ESRRG: variants seen among roughly 807,000 people sequenced by gnomAD.
ESRRG encodes the protein estrogen-related receptor gamma.
Under a neutral mutation model 44.0 loss-of-function variants are expected in ESRRG, and 13 were observed. That is an observed-to-expected ratio of 0.30 (90% confidence interval 0.19 to 0.47). The LOEUF (loss-of-function observed/expected upper bound fraction) is 0.47, where lower values mean the gene tolerates loss of function less well. Ranked by LOEUF, ESRRG falls within the 20% of genes least tolerant of loss-of-function variation. The pLI is 1.00. For synonymous variants in ESRRG, 215 were observed against 214.6 expected, an observed-to-expected ratio of 1.00 and a Z score of -0.02; for missense variants, 395 against 580.6, an observed-to-expected ratio of 0.68 and a Z score of 3.29.
intron 2 of ESRRG, among the ~76,000 whole-genome samples, chr1:216,742,554 T>A (rs1277392476): frequency 6.6e-6 from 1 of 152,024 alleles, no homozygotes; most frequent in Non-Finnish European, 1.5e-5. Flanking sequence ...TGATTCTTTA[T>A]CCATTTCTGT....
intron 1 of ESRRG, among the ~76,000 whole-genome samples, chr1:217,123,028 G>A (rs990580498): frequency 6.6e-6 from 1 of 152,012 alleles, no homozygotes; most frequent in Non-Finnish European, 1.5e-5. Context: ...GCCCAGAAGT[G>A]ACATATATAT....
chr1:216,711,305 C>T lies in ESRRG; in HGVS notation c.56+11939G>A, dbSNP rs374276028. On this transcript the variant is annotated intron_variant, in intron 1 of 6. Coordinates refer to ENST00000408911, the MANE Select transcript of ESRRG (RefSeq NM_001438.4). ...TGACTGCAATAGCCAATAAAGCATC[C>T]TCGGCTCCACTGCCAACTCGGGGAG... Among the ~76,000 whole-genome samples the T allele has an allele frequency of 1.8e-3, 279 of 152,236 alleles. 2 individuals carry two copies. Among genetic ancestry groups the T allele is most frequent in the African/African-American group, 6.6e-3 (276 of 41,536 alleles).
rs11301281 is a variant in ESRRG, at chr1:216,880,304, C to CAAAAAAAAAAAAAAAAAAAAA, written c.-14+59257_-14+59277dup. Among the ~76,000 whole-genome samples, 7 of 29,024 alleles carry CAAAAAAAAAAAAAAAAAAAAA rather than the reference C, an allele frequency of 2.4e-4. 1 individual carries two copies. The highest frequency in any genetic ancestry group is 2.9e-4 in the Non-Finnish European group (5 of 17,470). 19.0% of individuals were successfully genotyped at this position (29,024 alleles called of 152,430 possible). ...CCTGAGCGACAACAAGCCTCCCTCT[C>CAAAAAAAAAAAAAAAAAAAAA]AAAAAAAAAAAAAAAAAAAAAAAAA... On this transcript the variant is annotated intron_variant, in intron 2 of 7. Coordinates refer to the ESRRG transcript ENST00000359162.
At chr1:216,947,246 C>T (rs1047972944) in intron 1 of ESRRG, among the ~76,000 whole-genome samples, 12 of 152,048 alleles carry the variant, frequency 7.9e-5, no homozygotes, top group Non-Finnish European at 1.6e-4. Context: ...TGGTTCTAGG[C>T]GCTTTACATT....
intron 1 of ESRRG, among the ~76,000 whole-genome samples, chr1:217,084,297 A>G (rs1182960092): frequency 6.6e-6 from 1 of 152,200 alleles, no homozygotes; most frequent in Non-Finnish European, 1.5e-5. Context: ...TAGATAATGT[A>G]TGGTTATAAA....
intron 3 of ESRRG, among the ~76,000 whole-genome samples, chr1:216,571,420 G>A (rs947593953): frequency 2.0e-5 from 3 of 152,110 alleles, no homozygotes; most frequent in Non-Finnish European, 4.4e-5. Context: ...TCTAGCCTGG[G>A]CAACAAGAGT....
chr1:217,057,190 G>A (rs1279537804), intron 1 of ESRRG, among the ~76,000 whole-genome samples: 4 of 152,128 alleles, frequency 2.6e-5, no homozygotes, highest in South Asian at 2.1e-4. Context: ...AGTGGTTGAG[G>A]AGAAAACAGC....
chr1:217,080,671 G>GTTTTTTTTTTTTTTTTTTTTT (rs34598045), intron 1 of ESRRG, among the ~76,000 whole-genome samples: 1 of 65,246 alleles, frequency 1.5e-5, no homozygotes, highest in African/African-American at 6.2e-5. Flanking sequence ...TGTTTTTTTG[G>GTTTTTTTTTTTTTTTTTTTTT]TTTTTTTTTT....
intron 2 of ESRRG, among the ~76,000 whole-genome samples, chr1:216,759,623 C>G (rs2092661135): frequency 6.6e-6 from 1 of 152,120 alleles, no homozygotes; most frequent in Non-Finnish European, 1.5e-5. Flanking sequence ...TGAGTAGCCA[C>G]TCAGTCAGCT....
At chr1:216,686,732 TG>T (rs2078053458) in intron 1 of ESRRG, among the ~76,000 whole-genome samples, 1 of 152,170 alleles carries the variant, frequency 6.6e-6, no homozygotes, top group Non-Finnish European at 1.5e-5. Flanking sequence ...GTAGGAGACA[TG>T]GGTTCTAGCT....
At chr1:216,773,705 T>C (rs1028154676) in intron 2 of ESRRG, among the ~76,000 whole-genome samples, 1 of 152,110 alleles carries the variant, frequency 6.6e-6, no homozygotes, top group Non-Finnish European at 1.5e-5. Context: ...TAGTCAGACT[T>C]GGATCTTTTG....
At chr1:216,871,588 A>G (rs1438865849) in intron 2 of ESRRG, among the ~76,000 whole-genome samples, 5 of 152,022 alleles carry the variant, frequency 3.3e-5, no homozygotes, top group Non-Finnish European at 5.9e-5. Flanking sequence ...GTCTCTAACT[A>G]TAATTGTAGA....
intron 1 of ESRRG, among the ~76,000 whole-genome samples, chr1:217,055,079 G>A (rs2151286692): frequency 6.6e-6 from 1 of 152,300 alleles, no homozygotes; most frequent in Non-Finnish European, 1.5e-5. Context: ...AAGGGACATT[G>A]CTGGTAACAG....
At chr1:216,699,657 G>GA (rs142952797) in intron 1 of ESRRG, among the ~76,000 whole-genome samples, 64 of 148,444 alleles carry the variant, frequency 4.3e-4, no homozygotes, top group Middle Eastern at 6.9e-3. Flanking sequence ...TTGTTACACT[G>GA]AAAAAAAAAA....
chr1:216,512,932 G>A (rs1386887676), intron 6 of ESRRG, among the ~76,000 whole-genome samples: 1 of 152,146 alleles, frequency 6.6e-6, no homozygotes, highest in Admixed American at 6.5e-5. Context: ...GGAGGAGGGT[G>A]CTCAGCACCA....
chr1:216,601,073 CCGGCAGCGCGGG>C (rs1409461454), intron 3 of ESRRG, among the ~76,000 whole-genome samples: 2 of 152,186 alleles, frequency 1.3e-5, no homozygotes, highest in Admixed American at 6.5e-5. Flanking sequence ...CCTAGGAAGC[CCGGCAGCGCGGG>C]CGGCAGCAGC....
At chr1:217,133,019 TG>T (rs2092987051) in intron 1 of ESRRG, among the ~76,000 whole-genome samples, 2 of 152,150 alleles carry the variant, frequency 1.3e-5, no homozygotes, top group African/African-American at 4.8e-5. Context: ...AAAGAGAACT[TG>T]GGGTCCTTCC....
chr1:216,939,362 A>AAAC (rs1304138699), intron 2 of ESRRG, among the ~76,000 whole-genome samples: 19 of 142,636 alleles, frequency 1.3e-4, no homozygotes, highest in African/African-American at 5.4e-4. Flanking sequence ...AAAAAAAAAA[A>AAAC]AAAAAAAACA....
intron 1 of ESRRG, among the ~76,000 whole-genome samples, chr1:216,967,319 A>G (rs897572054): frequency 6.6e-6 from 1 of 152,120 alleles, no homozygotes; most frequent in African/African-American, 2.4e-5. Flanking sequence ...ATGTAATGAC[A>G]TGTACCTATT....
Sources: gnomAD v4.1 joint callset for allele counts (sites outside exome capture counted in the v4.1 genomes callset) on GRCh38, gnomAD v4.1.1 for gene constraint, MANE v1.5 for transcripts, NCBI Gene and HGNC (gene_info 2026-07-23, HGNC 2026-07-21) for gene names.